The following AGAP1 variants were observed in gnomAD, a reference collection of about 807,000 sequenced individuals.
The protein encoded by AGAP1 is ArfGAP with GTPase domain, ankyrin repeat and PH domain 1.
In AGAP1, 29 loss-of-function variants were observed where a neutral mutation model predicts 105.3. The observed-to-expected ratio is 0.28, with a 90% CI of 0.21 to 0.38. The LOEUF (loss-of-function observed/expected upper bound fraction) is 0.38, where lower values mean the gene tolerates loss of function less well. Among genes scored for constraint, AGAP1 ranks in the 10% least tolerant of loss-of-function variants. AGAP1 has a pLI of 1.00. For synonymous variants in AGAP1, 509 were observed against 485.9 expected (o/e 1.05, Z -0.63); for missense variants, 998 against 1,165.1 (o/e 0.86, Z 2.09).
chr2:235,702,318 C>T (rs1454392442), intron 1 of AGAP1, among the ~76,000 whole-genome samples: 5 of 152,196 alleles, frequency 3.3e-5, no homozygotes, highest in Non-Finnish European at 1.5e-5. Flanking sequence ...GTCCTGGCTC[C>T]CTTGTCTAAT....
At chr2:235,585,283 C>G (rs1263645089) in intron 1 of AGAP1, among the ~76,000 whole-genome samples, 1 of 152,132 alleles carries the variant, frequency 6.6e-6, no homozygotes, top group Non-Finnish European at 1.5e-5. Flanking sequence ...CTTGCTTTTT[C>G]CAGCCTCAAT....
chr2:236,110,500 C>T (rs1303324118), intron 16 of AGAP1, among the ~76,000 whole-genome samples: 3 of 152,060 alleles, frequency 2.0e-5, no homozygotes, highest in Admixed American at 6.6e-5. Flanking sequence ...GAGTTCCAGA[C>T]TGCAGTGAGC....
intron 1 of AGAP1, among the ~76,000 whole-genome samples, chr2:235,675,165 TG>T (rs1948659459): frequency 6.7e-6 from 1 of 150,362 alleles, no homozygotes. Context: ...GGACACTTTT[TG>T]TTGGTTGGTT....
intron 9 of AGAP1, among the ~76,000 whole-genome samples, chr2:235,817,277 C>G (rs1321663228): frequency 6.6e-6 from 1 of 151,980 alleles, no homozygotes; most frequent in Non-Finnish European, 1.5e-5. Context: ...TCACACACCC[C>G]TATGACATGG....
At chr2:235,956,818 C>G (rs1488348919) in intron 12 of AGAP1, among the ~76,000 whole-genome samples, 1 of 152,250 alleles carries the variant, frequency 6.6e-6, no homozygotes, top group Non-Finnish European at 1.5e-5. Context: ...CATCCAGACT[C>G]AGCTCATGGC....
chr2:235,949,169 C>G (rs915532599), intron 12 of AGAP1, among the ~76,000 whole-genome samples: 1 of 152,100 alleles, frequency 6.6e-6, no homozygotes, highest in Non-Finnish European at 1.5e-5. Context: ...ACAGGAAGGC[C>G]CCTTCTTTCA....
At position 235,574,997 on chromosome 2, in the gene AGAP1, C is replaced by G. The variant is rs1944686018; in HGVS notation, c.163+80148C>G. On this transcript the variant is annotated intron_variant, in intron 1 of 17. Coordinates refer to ENST00000304032, the MANE Select transcript of AGAP1 (RefSeq NM_001037131.3). This position sits in a 1 kb window ranked among gnomAD's most constrained non-coding sequence, Gnocchi z 5.0. Reference sequence around the variant, plus strand: ...AATCAGCGAGGCATGGAGGCAGACACCTATGGTCCCAGGTACATGGGAGGC... The same window carrying G: ...AATCAGCGAGGCATGGAGGCAGACAGCTATGGTCCCAGGTACATGGGAGGC... Among the ~76,000 whole-genome samples, 1 of 152,116 alleles carries G rather than the reference C, an allele frequency of 6.6e-6. No individual in the cohort carries two copies. The highest frequency in any genetic ancestry group is 2.1e-4 in the South Asian group (1 of 4,814).
At position 235,577,899 on chromosome 2, in the gene AGAP1, G is replaced by A. The variant is rs1944788716; in HGVS notation, c.163+83050G>A. Among the ~76,000 whole-genome samples, 2 of 152,238 alleles carry A rather than the reference G, an allele frequency of 1.3e-5. No individual in the cohort carries two copies. The highest frequency in any genetic ancestry group is 2.1e-4 in the South Asian group (1 of 4,818). On this transcript the variant is annotated intron_variant, in intron 1 of 17. Coordinates refer to ENST00000304032, the MANE Select transcript of AGAP1 (RefSeq NM_001037131.3). This position sits in a 1 kb window ranked among gnomAD's most constrained non-coding sequence, Gnocchi z 4.5. Reference sequence around the variant, plus strand: ...ACGGATGAAAAAAACCAAACACTGAGCCTGGTCTGAGCGGGGCTGTTTGTT... The same window carrying A: ...ACGGATGAAAAAAACCAAACACTGAACCTGGTCTGAGCGGGGCTGTTTGTT...
intron 16 of AGAP1, among the ~76,000 whole-genome samples, chr2:236,106,720 G>A (rs1157922448): frequency 6.6e-6 from 1 of 152,202 alleles, no homozygotes; most frequent in Non-Finnish European, 1.5e-5. Flanking sequence ...TCCCACCTGC[G>A]TAAGTCACGG....
Position 235,893,143 on chromosome 2 carries a change from TG to T in AGAP1, c.1155+9695del, listed in dbSNP as rs1031302355. 1.4e-5 allele frequency among the ~76,000 whole-genome samples: 2 copies of T among 145,372 alleles called. No individual in the cohort carries two copies. Among genetic ancestry groups the T allele is most frequent in the Admixed American group, 6.8e-5 (1 of 14,658 alleles). ...AGGGTGCGCCATGTCTGTGGCGTAG[TG>T]TGCACCGTGTCCATCATAAGGGAGC... On this transcript the variant is annotated intron_variant, in intron 10 of 17. Coordinates refer to ENST00000304032, the MANE Select transcript of AGAP1 (RefSeq NM_001037131.3). This position sits in a 1 kb window ranked among gnomAD's most constrained non-coding sequence, Gnocchi z 4.7.
rs1035722763 is a variant in AGAP1 at position 235,639,445 on chromosome 2, G to T, written c.164-69734G>T. Among the ~76,000 whole-genome samples, 1 of 152,292 alleles carries T rather than the reference G, an allele frequency of 6.6e-6. No homozygotes were observed. The highest frequency in any genetic ancestry group is 1.5e-5 in the Non-Finnish European group (1 of 68,022). ...TCCAGGGTGGGCAGAGGAAGAGGAG[G>T]CTGGGAAGGGAATTTGTTTCTCTGG... is the stretch of plus-strand genomic sequence containing the variant. On this transcript the variant is annotated intron_variant, in intron 1 of 17. Coordinates refer to ENST00000304032, the MANE Select transcript of AGAP1 (RefSeq NM_001037131.3). The surrounding 1 kb of genome is among the most constrained non-coding windows in gnomAD (Gnocchi z 5.3).
At chr2:235,942,095 G>A (rs1327761880) in intron 12 of AGAP1, among the ~76,000 whole-genome samples, 2 of 152,128 alleles carry the variant, frequency 1.3e-5, no homozygotes, top group Admixed American at 6.5e-5. Context: ...AGCCATGACT[G>A]CTCTCATCAT....
intron 16 of AGAP1, among the ~76,000 whole-genome samples, chr2:236,116,656 A>G (rs1045915256): frequency 5.9e-5 from 9 of 152,036 alleles, no homozygotes; most frequent in Non-Finnish European, 1.3e-4. Context: ...GCCATGAGTA[A>G]ATTCTTTAGT....
At chr2:235,932,212 C>G (rs1357695173) in intron 12 of AGAP1, among the ~76,000 whole-genome samples, 1 of 152,162 alleles carries the variant, frequency 6.6e-6, no homozygotes, top group Non-Finnish European at 1.5e-5. Flanking sequence ...CAGCTGAAGC[C>G]CCGCCACCTG....
In AGAP1 at chr2:235,719,124, C is replaced by G. The variant is rs2149554263; in HGVS notation, c.310+1480C>G. 6.6e-6 allele frequency among the ~76,000 whole-genome samples: 1 copy of G among 152,244 alleles called. No individual in the cohort carries two copies. The highest frequency in any genetic ancestry group is 2.1e-4 in the South Asian group (1 of 4,808). Reference sequence around the variant, plus strand: ...TTTCTAAGTAAATCTACTTTCAGGGCCCTGCAACTCTGTGGATTTCAAGCT... The same window carrying G: ...TTTCTAAGTAAATCTACTTTCAGGGGCCTGCAACTCTGTGGATTTCAAGCT... On this transcript the variant is annotated intron_variant, in intron 3 of 17. Coordinates refer to ENST00000304032, the MANE Select transcript of AGAP1 (RefSeq NM_001037131.3). The surrounding 1 kb of genome is among the most constrained non-coding windows in gnomAD (Gnocchi z 4.9).
Position 235,581,535 on chromosome 2 carries a change from A to G in AGAP1, c.163+86686A>G, listed in dbSNP as rs545150970. Among the ~76,000 whole-genome samples the G allele has an allele frequency of 2.0e-5, 3 of 151,670 alleles. No homozygotes were observed. In the South Asian group the frequency reaches 6.3e-4, roughly 32 times the overall value. ...TTTAAAAAGAAAATAGGCTGGGTAC[A>G]GTGGCTCATGCCTGTAATCCCACAC... On this transcript the variant is annotated intron_variant, in intron 1 of 17. Transcript: ENST00000304032.
rs958552679 is a variant in AGAP1 at position 235,753,477 on chromosome 2, G to A, written c.673+2989G>A. On this transcript the variant is annotated intron_variant, in intron 6 of 17. Coordinates refer to ENST00000304032, the MANE Select transcript of AGAP1 (RefSeq NM_001037131.3). This position sits in a 1 kb window ranked among gnomAD's most constrained non-coding sequence, Gnocchi z 4.5. ...CCCAACACTTTGGGAGGCTGAGGAG[G>A]GCAGATCACCTGAGGTCCATAGTTC... Among the ~76,000 whole-genome samples the A allele has an allele frequency of 6.6e-6, 1 of 152,112 alleles. No homozygotes were observed. The highest frequency in any genetic ancestry group is 1.5e-5 in the Non-Finnish European group (1 of 68,036).
intron 1 of AGAP1, among the ~76,000 whole-genome samples, chr2:235,530,325 G>A (rs1419979024): frequency 1.3e-5 from 2 of 152,176 alleles, no homozygotes; most frequent in African/African-American, 4.8e-5. Context: ...TTCCGCTTTA[G>A]ATAGGTAGTA....
At chr2:235,926,786 G>T (rs937216217) in intron 11 of AGAP1, among the ~76,000 whole-genome samples, 1 of 152,204 alleles carries the variant, frequency 6.6e-6, no homozygotes, top group Non-Finnish European at 1.5e-5. Flanking sequence ...GTTGAGTGCA[G>T]TGGGGTGTGG....
Sources: allele counts gnomAD v4.1 joint callset (sites outside exome capture counted in the v4.1 genomes callset), GRCh38; gene constraint gnomAD v4.1.1; non-coding constraint Gnocchi (gnomAD v3.1); transcripts MANE v1.5; gene names NCBI Gene and HGNC (gene_info 2026-07-23, HGNC 2026-07-21).